Variants in SCEL observed in about 807,000 individuals in gnomAD.
The protein encoded by SCEL is sciellin.
SCEL carries 113 observed loss-of-function variants against 117.6 expected under a neutral mutation model. The observed-to-expected ratio is 0.96, with a 90% CI of 0.83 to 1.12. The LOEUF is 1.12. Ranked by LOEUF, SCEL falls within the 50% of genes most tolerant of loss-of-function variation. SCEL has a pLI of 0.00. For missense variants in SCEL, 785 were observed against 810.8 expected (o/e 0.97, Z 0.39); for synonymous variants, 270 against 256.2 (o/e 1.05, Z -0.51).
At position 77,584,379 on chromosome 13, in the gene SCEL, G is replaced by A. The variant is rs185221407; in HGVS notation, c.546-4765G>A. On this transcript the variant is annotated intron_variant, in intron 9 of 32. Coordinates refer to ENST00000349847, the MANE Select transcript of SCEL (RefSeq NM_144777.3). The stretch of plus-strand genomic sequence containing the variant: ...GGTAAATGGAAGTCAACATGGCATC[G>A]CCTGGCTCCTGGCCCAGCAGGGGTG... 1.4e-4 allele frequency among the ~76,000 whole-genome samples: 22 copies of A among 152,244 alleles called. No homozygotes were observed. The East Asian group carries it at 3.3e-3, about 23-fold the overall frequency.
At chr13:77,586,378 T>G (rs973592221) in intron 9 of SCEL, among the ~76,000 whole-genome samples, 1 of 152,126 alleles carries the variant, frequency 6.6e-6, no homozygotes, top group African/African-American at 2.4e-5. Flanking sequence ...TCCAGCTCAC[T>G]CCCTTCAGTC....
chr13:77,590,039 C>T (rs1426983327), intron 10 of SCEL, among the ~76,000 whole-genome samples: 1 of 152,084 alleles, frequency 6.6e-6, no homozygotes, highest in Admixed American at 6.6e-5. Flanking sequence ...CCTACTGTTG[C>T]TTCTTTTGTA....
intron 12 of SCEL, 128 bp from the exon 13 acceptor site, chr13:77,597,417 C>T (rs889222947): frequency 3.4e-6 from 2 of 582,986 alleles, no homozygotes; most frequent in African/African-American, 4.0e-5. Context: ...TGAGGATCAT[C>T]AGGATTTTCG....
At chr13:77,604,245 T>C (rs1345943833) in intron 18 of SCEL, 111 bp from the exon 19 acceptor site, 2 of 615,022 alleles carry the variant, frequency 3.3e-6, no homozygotes, top group Non-Finnish European at 5.5e-6. Context: ...AAAATTTACA[T>C]TGATATAGAA....
At chr13:77,634,508 G>A (rs1340247432) in intron 29 of SCEL, 58 bp downstream of exon 29, 2 of 1,260,576 alleles carry the variant, frequency 1.6e-6, no homozygotes, top group African/African-American at 3.0e-5. Flanking sequence ...AAGGATCTAT[G>A]TTTAATAAGA....
chr13:77,559,717 G>A, intron 3 of SCEL, 87 bp from the exon 4 acceptor site: 1 of 1,151,048 alleles, frequency 8.7e-7, no homozygotes, highest in Non-Finnish European at 1.3e-6. Context: ...CAAAAATTGG[G>A]AGCTCGCCCG....
At chr13:77,609,592 A>G (rs1053310732) in intron 21 of SCEL, among the ~76,000 whole-genome samples, 6 of 152,220 alleles carry the variant, frequency 3.9e-5, no homozygotes, top group African/African-American at 1.2e-4. Context: ...CTAAGTTCCA[A>G]TAGATATTTG....
intron 9 of SCEL, among the ~76,000 whole-genome samples, chr13:77,574,310 A>G (rs2085810577): frequency 6.6e-6 from 1 of 152,210 alleles, no homozygotes; most frequent in African/African-American, 2.4e-5. Flanking sequence ...TGTGATTTAC[A>G]TGGAAGATGA....
chr13:77,618,120 C>CCCTCCTTGCCTCCCTGCCTCCCTCCCTT lies in SCEL; in HGVS notation c.1628+66_1628+93dup. Reference sequence around the variant, plus strand: ...GTTTCTAGGGTAGGAACTTCTCCCTCCCTCCTTGCCTCCCTGCCTCCCTCC... The same window carrying CCCTCCTTGCCTCCCTGCCTCCCTCCCTT: ...GTTTCTAGGGTAGGAACTTCTCCCTCCCTCCTTGCCTCCCTGCCTCCCTCCCTTCCTCCTTGCCTCCCTGCCTCCCTCC... On this transcript the variant is annotated intron_variant, in intron 27 of 32. Transcript: ENST00000349847. The CCCTCCTTGCCTCCCTGCCTCCCTCCCTT allele has an allele frequency of 2.3e-6, 3 of 1,282,440 alleles. No individual in the cohort carries two copies. In the South Asian group the frequency reaches 3.6e-5, roughly 15 times the overall value. The allele number at this position is 1,282,440 out of a possible 1,614,324, so 79.4% of individuals were successfully genotyped here.
rs551645080 is a variant in SCEL, at chr13:77,588,202, G to A, written c.546-942G>A. 1.8e-3 allele frequency among the ~76,000 whole-genome samples: 276 copies of A among 152,252 alleles called. 1 individual carries two copies. Among genetic ancestry groups the A allele is most frequent in the African/African-American group, 6.2e-3 (257 of 41,550 alleles). On this transcript the variant is annotated intron_variant, in intron 9 of 32. Transcript: ENST00000349847. ...TGCACATAGAAAGCTACCAATAAAT[G>A]TTTGTTGAGTAAAAACACAATCTCA...
chr13:77,552,768 C>G (rs1462696232), intron 1 of SCEL, among the ~76,000 whole-genome samples: 1 of 152,094 alleles, frequency 6.6e-6, no homozygotes, highest in African/African-American at 2.4e-5. Context: ...AAGTCCTTGC[C>G]CATGCCTATG....
chr13:77,554,787 T>C lies in SCEL; in HGVS notation c.-19-1070T>C, dbSNP rs1593908322. Among the ~76,000 whole-genome samples, 3 of 152,192 alleles carry C rather than the reference T, an allele frequency of 2.0e-5. No individual in the cohort carries two copies. In the South Asian group the frequency reaches 6.2e-4, roughly 32 times the overall value. On this transcript the variant is annotated intron_variant, in intron 1 of 32. Transcript: ENST00000349847. ...GATAAAGATGGACCTAAAACTTGCTTCTGACTTGAGCTTGAATGCCCCTCC... is the reference window on the plus strand; with the variant it reads ...GATAAAGATGGACCTAAAACTTGCTCCTGACTTGAGCTTGAATGCCCCTCC...
At position 77,604,515 on chromosome 13, in the gene SCEL, C is replaced by G. The variant is rs2087974414; in HGVS notation, c.1157+100C>G. ...CAGGACAGTAAATTGGAATTCAGGC[C>G]AAAACAAACTGAGCTCTTTTTTCTC... On this transcript the variant is annotated intron_variant, in intron 19 of 32. Transcript: ENST00000349847. 6 of 879,776 alleles carry G rather than the reference C, an allele frequency of 6.8e-6. No individual in the cohort carries two copies. In the Admixed American group the frequency reaches 1.8e-4, roughly 26 times the overall value. 54.5% of individuals were successfully genotyped at this position (879,776 alleles called of 1,614,324 possible).
chr13:77,607,000 G>A (rs1232974726), intron 19 of SCEL, among the ~76,000 whole-genome samples: 1 of 152,194 alleles, frequency 6.6e-6, no homozygotes, highest in Non-Finnish European at 1.5e-5. Context: ...AGAGTAACAA[G>A]AAACTACTAA....
intron 27 of SCEL, chr13:77,623,288 T>C (rs1452757357): frequency 6.6e-6 from 1 of 152,222 alleles, no homozygotes; most frequent in African/African-American, 2.4e-5. Flanking sequence ...ATAGCCAAAG[T>C]AAATACACAC....
chr13:77,642,643 G>C, intron 31 of SCEL, 63 bp from the exon 32 acceptor site: 3 of 999,440 alleles, frequency 3.0e-6, no homozygotes, highest in East Asian at 2.5e-5. Flanking sequence ...GATGATGTCT[G>C]TTCCTCTAAT....
chr13:77,605,298 C>T (rs565303479), intron 19 of SCEL, among the ~76,000 whole-genome samples: 144 of 152,292 alleles, frequency 9.5e-4, no homozygotes, highest in African/African-American at 3.2e-3. Flanking sequence ...CTGGTGTGCA[C>T]ACTATCATGC....
At chr13:77,589,691 C>T (rs2086763274) in intron 10 of SCEL, among the ~76,000 whole-genome samples, 1 of 152,136 alleles carries the variant, frequency 6.6e-6, no homozygotes, top group South Asian at 2.1e-4. Context: ...CAAATCCTTG[C>T]TTATGTTACA....
intron 9 of SCEL, among the ~76,000 whole-genome samples, chr13:77,582,153 C>T (rs1314738469): frequency 1.3e-5 from 2 of 152,158 alleles, no homozygotes; most frequent in African/African-American, 4.8e-5. Flanking sequence ...ATAATGGAAT[C>T]ACACATTATA....
Sources: allele counts gnomAD v4.1 joint callset (sites outside exome capture counted in the v4.1 genomes callset), GRCh38; gene constraint gnomAD v4.1.1; transcripts MANE v1.5; gene names NCBI Gene and HGNC (gene_info 2026-07-23, HGNC 2026-07-21).